The following CDHR3 variants were observed in gnomAD, a reference collection of about 807,000 sequenced individuals.
CDHR3 encodes the protein cadherin-related family member 3.
A neutral mutation model predicts 86.6 loss-of-function variants in CDHR3; 79 were observed. That is an observed-to-expected ratio of 0.91 (90% CI 0.76 to 1.10). The LOEUF is 1.10. CDHR3 is among the 50% of genes least tolerant of loss of function. The pLI, the probability that CDHR3 is intolerant of heterozygous loss-of-function variation, is 0.00. For missense variants in CDHR3, 1,081 were observed against 1,077.6 expected, an observed-to-expected ratio of 1.00 and a Z score of -0.04; for synonymous variants, 421 against 402.4, an observed-to-expected ratio of 1.05 and a Z score of -0.55.
chr7:106,001,386 C>A, intron 6 of CDHR3, 76 bp from the exon 7 acceptor site: 3 of 1,545,032 alleles, frequency 1.9e-6, no homozygotes, highest in Non-Finnish European at 2.7e-6. Context: ...TTAGCACTAA[C>A]CAAAATACCA....
intron 15 of CDHR3, among the ~76,000 whole-genome samples, chr7:106,025,676 T>C (rs1443752482): frequency 1.3e-5 from 2 of 152,150 alleles, no homozygotes; most frequent in Non-Finnish European, 2.9e-5. Context: ...ATATTAACTG[T>C]CAAATAAGAA....
intron 4 of CDHR3, among the ~76,000 whole-genome samples, chr7:105,992,581 G>A (rs1831524839): frequency 6.6e-6 from 1 of 152,182 alleles, no homozygotes; most frequent in Non-Finnish European, 1.5e-5. Flanking sequence ...TTAAAAATGA[G>A]CAGAAAACAC....
intron 4 of CDHR3, among the ~76,000 whole-genome samples, chr7:105,989,964 G>A (rs1010164880): frequency 6.6e-6 from 1 of 152,178 alleles, no homozygotes; most frequent in Non-Finnish European, 1.5e-5. Flanking sequence ...TTAGCAAAAG[G>A]CATTCTTCAT....
In CDHR3 at chr7:105,971,445, C is replaced by T. The variant is rs1337194790; in HGVS notation, c.47-3399C>T. 2.6e-5 allele frequency among the ~76,000 whole-genome samples: 4 copies of T among 152,282 alleles called. No homozygotes were observed. In the East Asian group the frequency reaches 7.7e-4, roughly 29 times the overall value. On this transcript the variant is annotated intron_variant, in intron 1 of 18. Coordinates refer to ENST00000317716, the MANE Select transcript of CDHR3 (RefSeq NM_152750.5). ...TATATCCACTTCTTCAAAAATATCT[C>T]TCACTGCCATTCAAAATATGACCAT... is the stretch of plus-strand genomic sequence containing the variant.
chr7:105,991,504 C>CT (rs769091900), intron 4 of CDHR3, among the ~76,000 whole-genome samples: 1 of 152,146 alleles, frequency 6.6e-6, no homozygotes, highest in Non-Finnish European at 1.5e-5. Flanking sequence ...TGCTGTTTTT[C>CT]TTTTTTCCTT....
chr7:105,982,699 AGGGACAGGTGCAGT>A (rs983484551), intron 3 of CDHR3, among the ~76,000 whole-genome samples: 1 of 151,776 alleles, frequency 6.6e-6, no homozygotes, highest in Non-Finnish European at 1.5e-5. Context: ...TCATTTCTTT[AGGGACAGGTGCAGT>A]GGCTCATACC....
Position 106,022,430 on chromosome 7 carries a change from C to G in CDHR3, c.2058C>G (p.Ile686Met). Residue 686 changes from isoleucine (I) to methionine (M), a missense_variant, in exon 14 of 19, where the codon ATC becomes ATG. By Grantham distance (10) the Ile-to-Met change is conservative. Transcript: ENST00000317716. ...AAGTCATTCCCCACCCAACCACTAT[C>G]ATCACCACGACCCCCAGGGTAAGGG... is the stretch of plus-strand genomic sequence containing the variant. Reference protein sequence around the residue: ...SIKVIPHPTTIITTTPRPRVT... With the variant: ...SIKVIPHPTTMITTTPRPRVT... 1.2e-6 allele frequency: 2 copies of G among 1,613,922 alleles called. No individual in the cohort carries two copies. The highest frequency in any genetic ancestry group is 1.7e-6 in the Non-Finnish European group (2 of 1,179,786).
chr7:106,015,230 T>A lies in CDHR3; in HGVS notation c.1327+17T>A. On this transcript the variant is annotated intron_variant, in intron 10 of 18. Transcript: ENST00000317716. ...ACTATAAAAGCAAGTATCATTTTGTTTTATTTCATGATTGTCTTTCTTGAG... is the reference window on the plus strand; with the variant it reads ...ACTATAAAAGCAAGTATCATTTTGTATTATTTCATGATTGTCTTTCTTGAG... 1 of 1,583,556 alleles carries A rather than the reference T, an allele frequency of 6.3e-7. No individual in the cohort carries two copies. Among genetic ancestry groups the A allele is most frequent in the Middle Eastern group, 1.7e-4 (1 of 6,034 alleles).
At chr7:105,971,330 T>C (rs557043387) in intron 1 of CDHR3, among the ~76,000 whole-genome samples, 4 of 152,196 alleles carry the variant, frequency 2.6e-5, no homozygotes, top group Admixed American at 2.6e-4. Flanking sequence ...AGCAAGAATA[T>C]CGGCAGAAAG....
At chr7:105,976,806 A>T (rs1258931945) in intron 2 of CDHR3, among the ~76,000 whole-genome samples, 2 of 152,156 alleles carry the variant, frequency 1.3e-5, no homozygotes, top group Non-Finnish European at 2.9e-5. Context: ...TTTATGGCTG[A>T]ATTATATTAT....
In CDHR3 at chr7:106,030,551, C is replaced by A. The variant is rs1381441670; in HGVS notation, c.2305-241C>A. Among the ~76,000 whole-genome samples, 1 of 152,228 alleles carries A rather than the reference C, an allele frequency of 6.6e-6. No homozygotes were observed. The highest frequency in any genetic ancestry group is 6.5e-5 in the Admixed American group (1 of 15,288). On this transcript the variant is annotated intron_variant, in intron 17 of 18. Coordinates refer to ENST00000317716, the MANE Select transcript of CDHR3 (RefSeq NM_152750.5). This position sits in a 1 kb window ranked among gnomAD's most constrained non-coding sequence, Gnocchi z 4.8. ...CTGTGCCCCATAACACCCTATATCTCCCCATCATAGCCTTATTACTCTGCA... is the reference window on the plus strand; with the variant it reads ...CTGTGCCCCATAACACCCTATATCTACCCATCATAGCCTTATTACTCTGCA...
intron 12 of CDHR3, among the ~76,000 whole-genome samples, chr7:106,018,787 A>T (rs554577500): frequency 6.6e-6 from 1 of 151,986 alleles, no homozygotes; most frequent in Non-Finnish European, 1.5e-5. Context: ...CCCTGCCTCT[A>T]TGCATACCAG....
At position 106,004,604 on chromosome 7, in the gene CDHR3, G is replaced by A. The variant is rs767921965; in HGVS notation, c.969G>A (p.Gly323=). Residue 323 remains glycine (G), a synonymous_variant, in exon 8 of 19, where the codon GGG becomes GGA. Coordinates refer to ENST00000317716, the MANE Select transcript of CDHR3 (RefSeq NM_152750.5). ...LEVLVKDRPY[G]GQENRIQITF... is the part of the protein sequence containing the mutation. ...TTCTAGTGAAGGACAGACCATATGG[G>A]GGTCAGGAGAATCGCATCCAGATAA... is the stretch of plus-strand genomic sequence containing the variant. 98 of 1,613,848 alleles carry A rather than the reference G, an allele frequency of 6.1e-5. 2 individuals carry two copies. In the South Asian group the frequency reaches 9.7e-4, roughly 16 times the overall value.
intron 1 of CDHR3, among the ~76,000 whole-genome samples, chr7:105,965,698 A>G (rs1301284626): frequency 6.6e-6 from 1 of 151,990 alleles, no homozygotes; most frequent in South Asian, 2.1e-4. Context: ...ATGCAGATTC[A>G]GTGCTCAGCC....
chr7:106,024,793 A>T (rs767857468), intron 15 of CDHR3, among the ~76,000 whole-genome samples: 32 of 152,342 alleles, frequency 2.1e-4, no homozygotes, highest in Non-Finnish European at 3.7e-4. Flanking sequence ...TTCCCTGGCA[A>T]CCTACTCTGT....
Position 106,032,640 on chromosome 7 carries a change from G to C in CDHR3, c.2601G>C (p.Lys867Asn). The change falls in exon 19 of 19, where the codon AAG becomes AAC. Residue 867 changes from lysine to asparagine, a missense_variant. Physicochemically the swap from Lys to Asn is moderately conservative, Grantham distance 94. Coordinates refer to ENST00000317716, the MANE Select transcript of CDHR3 (RefSeq NM_152750.5). ...AGGGTGGCAAGCTGGGCAACCCAAA[G>C]AACAGAAATCCAGCCTTCATGAACA... ...RNEGGKLGNP[K>N]NRNPAFMNRA... 2 of 1,613,792 alleles carry C rather than the reference G, an allele frequency of 1.2e-6. No homozygotes were observed. The highest frequency in any genetic ancestry group is 1.7e-5 in the Admixed American group (1 of 59,988).
intron 14 of CDHR3, among the ~76,000 whole-genome samples, 170 bp from the exon 15 acceptor site, chr7:106,024,211 C>T (rs1354104013): frequency 6.6e-6 from 1 of 152,242 alleles, no homozygotes; most frequent in East Asian, 1.9e-4. Flanking sequence ...TCTGCAAAGA[C>T]TATAAATAAG....
In CDHR3 at chr7:106,015,994, C is replaced by T. The variant is rs1367824365; in HGVS notation, c.1395C>T (p.Ser465=). 6.2e-7 allele frequency: 1 copy of T among 1,612,462 alleles called. No homozygotes were observed. Among genetic ancestry groups the T allele is most frequent in the Non-Finnish European group, 8.5e-7 (1 of 1,179,142 alleles). ...TTCCTCTCATTTTTGATAGGCCATC[C>T]TATGTATTTGATGTGTCAGAAAGAA... The part of the protein sequence containing the change: ...NEFPLIFDRP[S]YVFDVSERRP... Residue 465 remains serine (S), a synonymous_variant, in exon 11 of 19, where the codon TCC becomes TCT. Coordinates refer to ENST00000317716, the MANE Select transcript of CDHR3 (RefSeq NM_152750.5).
chr7:106,032,318 C>G, intron 18 of CDHR3, 75 bp from the exon 19 acceptor site: 1 of 1,387,570 alleles, frequency 7.2e-7, no homozygotes, highest in Non-Finnish European at 9.8e-7. Context: ...CAGAACAGAG[C>G]AGGGTAGAAG....
Sources: allele counts gnomAD v4.1 joint callset (sites outside exome capture counted in the v4.1 genomes callset), GRCh38; gene constraint gnomAD v4.1.1; non-coding constraint Gnocchi (gnomAD v3.1); transcripts MANE v1.5; gene names NCBI Gene and HGNC (gene_info 2026-07-23, HGNC 2026-07-21).